RPS6KA2: variants seen among roughly 807,000 people sequenced by gnomAD.
RPS6KA2 encodes the protein ribosomal protein S6 kinase A2.
In RPS6KA2, 42 loss-of-function variants were observed where a neutral mutation model predicts 91.8. That is an observed-to-expected ratio of 0.46 (90% CI 0.36 to 0.59). The LOEUF (loss-of-function observed/expected upper bound fraction) is 0.59, where lower values mean the gene tolerates loss of function less well. Ranked by LOEUF, RPS6KA2 falls within the 20% of genes least tolerant of loss-of-function variation. The pLI is 0.00. For synonymous variants in RPS6KA2, 414 were observed against 393.6 expected (o/e 1.05, Z -0.61); for missense variants, 798 against 978.5 (o/e 0.82, Z 2.46).
Position 166,702,159 on chromosome 6 carries a change from G to C in RPS6KA2, c.123+156041C>G, listed in dbSNP as rs887866326. On this transcript the variant is annotated intron_variant, in intron 2 of 21. Coordinates refer to the RPS6KA2 transcript ENST00000503859. ...TGGACATCGATTTTAGACTGGGTCT[G>C]TTTGGTGATGTTCCGAATGGTGGCA... 4 of 1,593,720 alleles carry C rather than the reference G, an allele frequency of 2.5e-6. No individual in the cohort carries two copies. The African/African-American group carries it at 5.4e-5, about 21-fold the overall frequency.
At chr6:166,415,240 A>G (rs1168067749) in intron 19 of RPS6KA2, among the ~76,000 whole-genome samples, 2 of 152,234 alleles carry the variant, frequency 1.3e-5, no homozygotes. Flanking sequence ...ATTTCTTGAA[A>G]CAAGTATCTC....
chr6:166,801,188 T>C (rs779630291), intron 2 of RPS6KA2, among the ~76,000 whole-genome samples: 2 of 152,208 alleles, frequency 1.3e-5, no homozygotes, highest in Non-Finnish European at 2.9e-5. Context: ...GAATCTGATA[T>C]GCTAAACTCG....
rs145131390 is a variant in RPS6KA2, at chr6:166,732,698, G to A, written c.123+125502C>T. ...CGCAAAGAAGCTCGGAGCTCCCACA[G>A]ATGATGTTAGGTGCAGAGATGGGGG... On this transcript the variant is annotated intron_variant, in intron 2 of 21. Transcript: ENST00000503859. The surrounding 1 kb of genome is among the most constrained non-coding windows in gnomAD (Gnocchi z 4.0). Among the ~76,000 whole-genome samples, 141 of 152,328 alleles carry A rather than the reference G, an allele frequency of 9.3e-4. No individual in the cohort carries two copies. Among genetic ancestry groups the A allele is most frequent in the African/African-American group, 3.3e-3 (138 of 41,576 alleles).
intron 2 of RPS6KA2, among the ~76,000 whole-genome samples, chr6:166,855,705 A>T (rs1780881812): frequency 6.6e-6 from 1 of 152,098 alleles, no homozygotes; most frequent in Non-Finnish European, 1.5e-5. Context: ...AGACTAAAAA[A>T]CTCCATGTTG....
intron 2 of RPS6KA2, among the ~76,000 whole-genome samples, chr6:166,810,504 A>G (rs1473437971): frequency 6.6e-6 from 1 of 152,206 alleles, no homozygotes; most frequent in Non-Finnish European, 1.5e-5. Context: ...GATTGTGACT[A>G]ACTCAATCCT....
intron 2 of RPS6KA2, among the ~76,000 whole-genome samples, chr6:166,708,358 T>C (rs1789747020): frequency 6.6e-6 from 1 of 152,244 alleles, no homozygotes; most frequent in South Asian, 2.1e-4. Context: ...TGGATAACAT[T>C]CTGATTACTG....
chr6:166,675,302 G>C (rs1468892818), intron 2 of RPS6KA2, among the ~76,000 whole-genome samples: 3 of 152,194 alleles, frequency 2.0e-5, no homozygotes, highest in Admixed American at 2.0e-4. Flanking sequence ...GGAAGCCCCT[G>C]CAGTTCCAGC....
Position 166,553,515 on chromosome 6 carries a change from A to T in RPS6KA2, c.100-14731T>A, listed in dbSNP as rs368947163. On this transcript the variant is annotated intron_variant, in intron 1 of 20. Transcript: ENST00000265678. Reference sequence around the variant, plus strand: ...CTTGGGAAAGAAACAGGAGTCATTTAAAAAAAAAAAAAAAGGCACCCACTC... The same window carrying T: ...CTTGGGAAAGAAACAGGAGTCATTTTAAAAAAAAAAAAAAGGCACCCACTC... 8.6e-5 allele frequency among the ~76,000 whole-genome samples: 9 copies of T among 104,260 alleles called. No homozygotes were observed. In the South Asian group the frequency reaches 2.6e-3, roughly 30 times the overall value. The allele number at this position is 104,260 out of a possible 152,430, so 68.4% of individuals were successfully genotyped here. A position where few individuals can be genotyped will look rare whatever the true frequency, so the allele number is the denominator to read the frequency against.
At chr6:166,775,270 C>T (rs1265513540) in intron 2 of RPS6KA2, among the ~76,000 whole-genome samples, 3 of 147,794 alleles carry the variant, frequency 2.0e-5, no homozygotes, top group African/African-American at 7.4e-5. Context: ...ACCCCCGGCC[C>T]CTTCGCACTA....
At position 166,418,340 on chromosome 6, in the gene RPS6KA2, A is replaced by G. The variant is rs1778610013; in HGVS notation, c.1823T>C (p.Phe608Ser). Residue 608 changes from phenylalanine to serine, a missense_variant and splice_region_variant, in exon 19 of 21, where the codon TTT becomes TCT. Phe to Ser is a radical substitution (Grantham distance 155). Coordinates refer to ENST00000265678, the MANE Select transcript of RPS6KA2 (RefSeq NM_021135.6). The surrounding 1 kb of genome is among the most constrained non-coding windows in gnomAD (Gnocchi z 4.9). The stretch of plus-strand genomic sequence containing the variant: ...GTCTGGCCCATTTGCAAAAGGGGTA[A>G]ATCTGTATAATTAGACAAATTTGTG... Reference protein sequence around the residue: ...GILLYTMLAGFTPFANGPDDT... With the variant: ...GILLYTMLAGSTPFANGPDDT... The G allele has an allele frequency of 1.9e-6, 3 of 1,608,022 alleles. No homozygotes were observed. In the African/African-American group the frequency reaches 4.0e-5, roughly 22 times the overall value.
intron 2 of RPS6KA2, among the ~76,000 whole-genome samples, chr6:166,675,975 G>C (rs559279683): frequency 3.3e-4 from 51 of 152,258 alleles, no homozygotes; most frequent in African/African-American, 1.2e-3. Flanking sequence ...ACAGAAAGTT[G>C]AGTGTAAACA....
chr6:166,621,957 A>G (rs1786652988), intron 1 of RPS6KA2, among the ~76,000 whole-genome samples: 2 of 152,242 alleles, frequency 1.3e-5, no homozygotes, highest in African/African-American at 4.8e-5. Flanking sequence ...GCCACTTCTG[A>G]GAAACTATTT....
intron 2 of RPS6KA2, among the ~76,000 whole-genome samples, chr6:166,695,990 A>G (rs73261015): frequency 0.061 from 9,218 of 152,240 alleles, 935 homozygotes; most frequent in African/African-American, 0.21. Context: ...TGAGAATCCA[A>G]TGGCTGATGA....
intron 2 of RPS6KA2, among the ~76,000 whole-genome samples, chr6:166,710,474 T>A (rs984706852): frequency 9.6e-6 from 1 of 103,902 alleles, no homozygotes; most frequent in African/African-American, 3.5e-5. Flanking sequence ...GTGTATGGTA[T>A]GTGTTGTGTG....
At chr6:166,656,911 G>A (rs1788017617) in intron 2 of RPS6KA2, among the ~76,000 whole-genome samples, 1 of 152,194 alleles carries the variant, frequency 6.6e-6, no homozygotes. Context: ...CTGGGGTTTG[G>A]TGAGACTCTC....
chr6:166,781,448 G>A (rs1778770542), intron 2 of RPS6KA2, among the ~76,000 whole-genome samples: 1 of 152,230 alleles, frequency 6.6e-6, no homozygotes, highest in Non-Finnish European at 1.5e-5. Flanking sequence ...TCCCAGCAGA[G>A]GCAGGACTTC....
intron 12 of RPS6KA2, among the ~76,000 whole-genome samples, chr6:166,454,835 T>G (rs1780041682): frequency 6.6e-6 from 1 of 150,968 alleles, no homozygotes. Flanking sequence ...ACTTAAAAAA[T>G]TAAATATATT....
intron 3 of RPS6KA2, among the ~76,000 whole-genome samples, chr6:166,524,739 G>C (rs935138820): frequency 6.6e-6 from 1 of 152,214 alleles, no homozygotes; most frequent in Non-Finnish European, 1.5e-5. Context: ...AGAGCCTCAC[G>C]TCGGCAATGA....
At chr6:166,722,080 T>C (rs148544413) in intron 2 of RPS6KA2, among the ~76,000 whole-genome samples, 120 of 152,194 alleles carry the variant, frequency 7.9e-4, no homozygotes, top group Middle Eastern at 3.4e-3. Context: ...AATCAGAATA[T>C]AATACAATCA....
Sources: gnomAD v4.1 joint callset for allele counts (sites outside exome capture counted in the v4.1 genomes callset) on GRCh38, gnomAD v4.1.1 for gene constraint, Gnocchi (gnomAD v3.1) non-coding constraint, MANE v1.5 for transcripts, NCBI Gene and HGNC (gene_info 2026-07-23, HGNC 2026-07-21) for gene names.